The following ZFPM2 variants were observed in gnomAD, a reference collection of about 807,000 sequenced individuals.
The protein encoded by ZFPM2 is zinc finger protein, FOG family member 2.
In ZFPM2, 20 loss-of-function variants were observed where a neutral mutation model predicts 98.6. The ratio of observed to expected loss-of-function variants is 0.20; its 90% confidence interval spans 0.14 to 0.29. The LOEUF (loss-of-function observed/expected upper bound fraction) is 0.29. Among genes scored for constraint, ZFPM2 ranks in the 10% least tolerant of loss-of-function variants. ZFPM2 has a pLI of 1.00. For synonymous variants in ZFPM2, 518 were observed against 502.7 expected, an observed-to-expected ratio of 1.03 and a Z score of -0.41; for missense variants, 1,310 against 1,388.6, an observed-to-expected ratio of 0.94 and a Z score of 0.90.
chr8:105,526,585 T>G (rs13263693), intron 3 of ZFPM2, among the ~76,000 whole-genome samples: 21,188 of 152,206 alleles, frequency 0.14, 1,606 homozygotes, highest in Non-Finnish European at 0.18. Flanking sequence ...TATTGAGTCT[T>G]CTTAAAGACA....
chr8:105,660,069 T>G (rs1817358833), intron 5 of ZFPM2, among the ~76,000 whole-genome samples: 1 of 152,168 alleles, frequency 6.6e-6, no homozygotes, highest in African/African-American at 2.4e-5. Flanking sequence ...TTATAATAAC[T>G]TGTTTTGTGA....
At position 105,441,132 on chromosome 8, in the gene ZFPM2, G is replaced by A. The variant is rs1379107644; in HGVS notation, c.200-3148G>A. 2.0e-5 allele frequency among the ~76,000 whole-genome samples: 3 copies of A among 152,002 alleles called. 1 individual carries two copies. Among genetic ancestry groups the A allele is most frequent in the South Asian group, 2.1e-4 (1 of 4,822 alleles). The stretch of plus-strand genomic sequence containing the variant: ...ATCGCACCACTGCACTCCAGCCTGG[G>A]TGACAGAGTGAGACTCCATCTCAAA... On this transcript the variant is annotated intron_variant, in intron 2 of 7. Transcript: ENST00000407775.
chr8:105,490,699 A>G lies in ZFPM2; in HGVS notation c.301+46318A>G, dbSNP rs551803912. Reference sequence around the variant, plus strand: ...TTTGAAGGCGGGAATACTTTCTTATATATGTTTAAATTGTAAGTAGGAAGT... The same window carrying G: ...TTTGAAGGCGGGAATACTTTCTTATGTATGTTTAAATTGTAAGTAGGAAGT... On this transcript the variant is annotated intron_variant, in intron 3 of 7. Coordinates refer to ENST00000407775, the MANE Select transcript of ZFPM2 (RefSeq NM_012082.4). 8.5e-5 allele frequency among the ~76,000 whole-genome samples: 13 copies of G among 152,314 alleles called. No homozygotes were observed. In the South Asian group the frequency reaches 2.7e-3, roughly 32 times the overall value.
chr8:105,468,335 A>T (rs1283017141), intron 3 of ZFPM2, among the ~76,000 whole-genome samples: 2 of 151,866 alleles, frequency 1.3e-5, no homozygotes, highest in African/African-American at 4.8e-5. Flanking sequence ...CCTCATGGCC[A>T]CTTCTGATCA....
chr8:105,432,696 G>A (rs1230949043), intron 2 of ZFPM2, among the ~76,000 whole-genome samples: 1 of 152,112 alleles, frequency 6.6e-6, no homozygotes, highest in African/African-American at 2.4e-5. Flanking sequence ...TTCCTCTGAT[G>A]GGAATGATAT....
intron 1 of ZFPM2, among the ~76,000 whole-genome samples, chr8:105,397,678 G>A (rs1288145845): frequency 6.6e-5 from 10 of 152,122 alleles, no homozygotes; most frequent in South Asian, 2.1e-4. Flanking sequence ...TAAAGATGTC[G>A]TCTTTGACAA....
chr8:105,749,662 G>T (rs1371743353), intron 5 of ZFPM2, among the ~76,000 whole-genome samples: 1 of 150,460 alleles, frequency 6.6e-6, no homozygotes, highest in African/African-American at 2.4e-5. Flanking sequence ...ATATTGCTTT[G>T]TTTTTTTTTA....
At chr8:105,514,194 G>A (rs572176510) in intron 3 of ZFPM2, among the ~76,000 whole-genome samples, 4 of 151,812 alleles carry the variant, frequency 2.6e-5, no homozygotes, top group Admixed American at 2.6e-4. Flanking sequence ...GTAGAGATGG[G>A]GTTTCACCAT....
At chr8:105,635,548 C>T (rs534035052) in intron 5 of ZFPM2, among the ~76,000 whole-genome samples, 9 of 152,016 alleles carry the variant, frequency 5.9e-5, no homozygotes, top group African/African-American at 1.2e-4. Flanking sequence ...TTTTCTAACC[C>T]GGAATACCTG....
Position 105,492,387 on chromosome 8 carries a change from A to G in ZFPM2, c.301+48006A>G, listed in dbSNP as rs73304103. On this transcript the variant is annotated intron_variant, in intron 3 of 7. Coordinates refer to ENST00000407775, the MANE Select transcript of ZFPM2 (RefSeq NM_012082.4). ...GCTGCCAAAATCCCAGATTATCTCT[A>G]GTACTGAAAAAATAGTATTGAACTT... is the stretch of plus-strand genomic sequence containing the variant. Among the ~76,000 whole-genome samples the G allele has an allele frequency of 7.0e-3, 1,072 of 152,282 alleles. 11 individuals carry two copies. The highest frequency in any genetic ancestry group is 0.024 in the African/African-American group (1,010 of 41,574).
intron 5 of ZFPM2, among the ~76,000 whole-genome samples, chr8:105,762,568 C>T (rs1318018859): frequency 2.6e-5 from 4 of 151,910 alleles, no homozygotes; most frequent in Admixed American, 1.3e-4. Context: ...CTGGGGATGC[C>T]AAGAGACCAG....
intron 3 of ZFPM2, among the ~76,000 whole-genome samples, chr8:105,501,040 T>C (rs543239235): frequency 6.6e-6 from 1 of 152,326 alleles, no homozygotes; most frequent in Non-Finnish European, 1.5e-5. Flanking sequence ...AATACAGACG[T>C]GTAAAGACAA....
intron 5 of ZFPM2, among the ~76,000 whole-genome samples, chr8:105,770,458 T>A (rs1019530180): frequency 6.6e-6 from 1 of 152,112 alleles, no homozygotes; most frequent in Non-Finnish European, 1.5e-5. Context: ...AATTTATTTC[T>A]CTTCTGTTTC....
intron 5 of ZFPM2, among the ~76,000 whole-genome samples, chr8:105,672,625 CTT>C (rs1277735449): frequency 6.6e-6 from 1 of 152,000 alleles, no homozygotes; most frequent in Non-Finnish European, 1.5e-5. Context: ...TTTCTCATGA[CTT>C]TACAATTATT....
chr8:105,389,384 G>T lies in ZFPM2; in HGVS notation c.41-29760G>T, dbSNP rs112916282. On this transcript the variant is annotated intron_variant, in intron 1 of 7. Coordinates refer to ENST00000407775, the MANE Select transcript of ZFPM2 (RefSeq NM_012082.4). ...TCATATAAAGGGTTAAATGGACAAA[G>T]AGGAAAATCAGAGGGGGAAATAGTG... Among the ~76,000 whole-genome samples, 55 of 152,224 alleles carry T rather than the reference G, an allele frequency of 3.6e-4. 1 individual carries two copies. The highest frequency in any genetic ancestry group is 1.3e-3 in the African/African-American group (55 of 41,496).
intron 5 of ZFPM2, chr8:105,675,879 A>G (rs1346508318): frequency 6.6e-6 from 1 of 152,166 alleles, no homozygotes; most frequent in Admixed American, 6.5e-5. Flanking sequence ...GACGAACTGC[A>G]TTATTCCTAA....
intron 2 of ZFPM2, among the ~76,000 whole-genome samples, chr8:105,440,688 A>C (rs558766088): frequency 1.3e-5 from 2 of 152,324 alleles, no homozygotes; most frequent in Admixed American, 1.3e-4. Flanking sequence ...GAGAAGATGC[A>C]GGAGCAGGAG....
intron 1 of ZFPM2, among the ~76,000 whole-genome samples, chr8:105,414,599 T>TC (rs570397855): frequency 7.3e-5 from 11 of 151,640 alleles, no homozygotes; most frequent in African/African-American, 2.2e-4. Flanking sequence ...TGTTTTCGCA[T>TC]CCCCCCCTTT....
At chr8:105,671,694 A>G (rs1245721951) in intron 5 of ZFPM2, among the ~76,000 whole-genome samples, 3 of 152,010 alleles carry the variant, frequency 2.0e-5, no homozygotes, top group African/African-American at 4.8e-5. Context: ...ATCACTGTAT[A>G]TCTTTAATAA....
Sources: gnomAD v4.1 joint callset for allele counts (sites outside exome capture counted in the v4.1 genomes callset) on GRCh38, gnomAD v4.1.1 for gene constraint, MANE v1.5 for transcripts, NCBI Gene and HGNC (gene_info 2026-07-23, HGNC 2026-07-21) for gene names.